The following CFAP20DC variants were observed in gnomAD, a reference collection of about 807,000 sequenced individuals.
CFAP20DC encodes protein CFAP20DC.
In CFAP20DC, 84 loss-of-function variants were observed where a neutral mutation model predicts 101.7. The observed-to-expected ratio is 0.83, with a 90% CI of 0.69 to 0.99. The LOEUF is 0.99. Ranked by LOEUF, CFAP20DC falls within the 50% of genes least tolerant of loss-of-function variation. The pLI, the probability that CFAP20DC is intolerant of heterozygous loss-of-function variation, is 0.00. For synonymous variants in CFAP20DC, 359 were observed against 351.2 expected, an observed-to-expected ratio of 1.02 and a Z score of -0.25; for missense variants, 1,007 against 970.3, an observed-to-expected ratio of 1.04 and a Z score of -0.50.
chr3:58,854,329 T>C (rs1307796930), intron 12 of CFAP20DC, among the ~76,000 whole-genome samples: 2 of 150,858 alleles, frequency 1.3e-5, no homozygotes, highest in African/African-American at 4.9e-5. Flanking sequence ...CTCAAGGAAA[T>C]AAAAGAGGAT....
rs577731793 is a variant in CFAP20DC at position 58,874,907 on chromosome 3, C to G, written c.716-4598G>C. 6.6e-6 allele frequency among the ~76,000 whole-genome samples: 1 copy of G among 152,270 alleles called. No individual in the cohort carries two copies. The highest frequency in any genetic ancestry group is 1.5e-5 in the Non-Finnish European group (1 of 68,024). On this transcript the variant is annotated intron_variant, in intron 7 of 16. Coordinates refer to ENST00000482387, the MANE Select transcript of CFAP20DC (RefSeq NM_001394063.1). This position sits in a 1 kb window ranked among gnomAD's most constrained non-coding sequence, Gnocchi z 5.1. ...AGAATAGGCACATAATAGTTCCTTGCTGAGCAAAATGAATGATTCATTAAA... is the reference window on the plus strand; with the variant it reads ...AGAATAGGCACATAATAGTTCCTTGGTGAGCAAAATGAATGATTCATTAAA...
intron 1 of CFAP20DC, among the ~76,000 whole-genome samples, chr3:59,048,853 C>T (rs1700085155): frequency 6.6e-6 from 1 of 152,040 alleles, no homozygotes; most frequent in South Asian, 2.1e-4. Flanking sequence ...GGAGAGGAGA[C>T]CAGGAAGGGA....
chr3:58,834,123 A>C (rs767835050), intron 13 of CFAP20DC, among the ~76,000 whole-genome samples: 1 of 152,168 alleles, frequency 6.6e-6, no homozygotes, highest in Non-Finnish European at 1.5e-5. Flanking sequence ...GGTCAAAATG[A>C]TGGTTACAGA....
At chr3:58,891,379 G>A (rs1164110199) in intron 6 of CFAP20DC, among the ~76,000 whole-genome samples, 4 of 151,392 alleles carry the variant, frequency 2.6e-5, no homozygotes, top group Admixed American at 6.6e-5. Flanking sequence ...GTCCAGCTTC[G>A]GCTCCGCATG....
At chr3:58,880,262 A>T (rs1033001483) in intron 7 of CFAP20DC, among the ~76,000 whole-genome samples, 11 of 152,164 alleles carry the variant, frequency 7.2e-5, no homozygotes, top group African/African-American at 2.7e-4. Context: ...AATTTTATGC[A>T]TATATCATAT....
intron 12 of CFAP20DC, among the ~76,000 whole-genome samples, chr3:58,851,808 C>G (rs1032284177): frequency 2.0e-5 from 3 of 152,042 alleles, no homozygotes; most frequent in Non-Finnish European, 4.4e-5. Context: ...CAGAAGGAGT[C>G]AAACCAGGGT....
In CFAP20DC at chr3:58,891,473, G is replaced by A. The variant is rs1265735157; in HGVS notation, c.551-6764C>T. On this transcript the variant is annotated intron_variant, in intron 6 of 16. Transcript: ENST00000482387. ...GGAGAGGGAGAGGGAGAGGGAGAGA[G>A]CTTTTTTACTTTTTAATAGTGGCCG... Among the ~76,000 whole-genome samples, 6 of 93,098 alleles carry A rather than the reference G, an allele frequency of 6.4e-5. No individual in the cohort carries two copies. In the South Asian group the frequency reaches 1.8e-3, roughly 28 times the overall value. The allele number at this position is 93,098 out of a possible 152,430, so 61.1% of individuals were successfully genotyped here.
Position 58,788,090 on chromosome 3 carries a change from T to C in CFAP20DC, c.2237+18305A>G, listed in dbSNP as rs1039964732. ...ACCATGGCATGTGTATACCTATACA[T>C]ATATAACAAACCTGCATGTTCTGCA... On this transcript the variant is annotated intron_variant, in intron 15 of 16. Coordinates refer to ENST00000482387, the MANE Select transcript of CFAP20DC (RefSeq NM_001394063.1). The surrounding 1 kb of genome is among the most constrained non-coding windows in gnomAD (Gnocchi z 4.2). Among the ~76,000 whole-genome samples the C allele has an allele frequency of 2.0e-5, 3 of 151,168 alleles. No individual in the cohort carries two copies. The highest frequency in any genetic ancestry group is 4.4e-5 in the Non-Finnish European group (3 of 67,832).
intron 6 of CFAP20DC, among the ~76,000 whole-genome samples, chr3:58,891,239 A>T (rs2082220152): frequency 6.6e-6 from 1 of 151,956 alleles, no homozygotes; most frequent in Non-Finnish European, 1.5e-5. Flanking sequence ...CCCGGCCAAC[A>T]CAGCGAAACC....
At chr3:59,047,107 A>G (rs1288178768) in intron 2 of CFAP20DC, 58 bp downstream of exon 2, 27 of 1,134,628 alleles carry the variant, frequency 2.4e-5, no homozygotes, top group Non-Finnish European at 3.2e-5. Flanking sequence ...CCTTTCTTCT[A>G]TAAGCTTCAC....
chr3:59,036,868 C>T (rs927763717), intron 4 of CFAP20DC, among the ~76,000 whole-genome samples: 4 of 152,160 alleles, frequency 2.6e-5, no homozygotes, highest in African/African-American at 9.7e-5. Context: ...ATCATGCTAC[C>T]TGACTTCTAC....
intron 4 of CFAP20DC, among the ~76,000 whole-genome samples, chr3:58,965,626 TA>T (rs2091468259): frequency 6.6e-6 from 1 of 152,106 alleles, no homozygotes; most frequent in African/African-American, 2.4e-5. Context: ...TTCATATAGA[TA>T]AAAGAATTAA....
At chr3:58,804,190 G>A (rs2073897540) in intron 15 of CFAP20DC, among the ~76,000 whole-genome samples, 1 of 152,048 alleles carries the variant, frequency 6.6e-6, no homozygotes, top group Admixed American at 6.5e-5. Flanking sequence ...TACACATGAG[G>A]GTATTCATAT....
chr3:58,769,430 T>C (rs2070631563), intron 15 of CFAP20DC, among the ~76,000 whole-genome samples: 1 of 152,220 alleles, frequency 6.6e-6, no homozygotes, highest in Non-Finnish European at 1.5e-5. Flanking sequence ...GAATCGTGTC[T>C]GGCCATCATG....
At chr3:58,931,101 G>A (rs1015787148) in intron 5 of CFAP20DC, among the ~76,000 whole-genome samples, 6 of 152,254 alleles carry the variant, frequency 3.9e-5, no homozygotes, top group Admixed American at 3.9e-4. Context: ...CTTAAAAAAC[G>A]GCGCACCAGG....
chr3:58,973,454 G>A (rs2092073607), intron 4 of CFAP20DC, among the ~76,000 whole-genome samples: 1 of 152,164 alleles, frequency 6.6e-6, no homozygotes, highest in Non-Finnish European at 1.5e-5. Flanking sequence ...CCTTCTAGCT[G>A]GTCTCCCTGC....
chr3:59,023,154 C>CT (rs768339355), intron 4 of CFAP20DC, among the ~76,000 whole-genome samples: 2 of 150,224 alleles, frequency 1.3e-5, no homozygotes, highest in East Asian at 3.9e-4. Context: ...TTTCTACTCT[C>CT]TTGTTTTTTT....
At chr3:58,937,009 C>G (rs2087774745) in intron 5 of CFAP20DC, among the ~76,000 whole-genome samples, 1 of 148,948 alleles carries the variant, frequency 6.7e-6, no homozygotes, top group African/African-American at 2.5e-5. Flanking sequence ...CAAGTGCATA[C>G]CAGAATGGGT....
chr3:59,023,230 A>G (rs528608853), intron 4 of CFAP20DC, among the ~76,000 whole-genome samples: 2 of 151,776 alleles, frequency 1.3e-5, no homozygotes, highest in Non-Finnish European at 2.9e-5. Context: ...AACACATTTC[A>G]GTACAATACA....
Sources: gnomAD v4.1 joint callset for allele counts (sites outside exome capture counted in the v4.1 genomes callset) on GRCh38, gnomAD v4.1.1 for gene constraint, Gnocchi (gnomAD v3.1) non-coding constraint, MANE v1.5 for transcripts, NCBI Gene and HGNC (gene_info 2026-07-23, HGNC 2026-07-21) for gene names.